GLI3: variants seen among roughly 807,000 people sequenced by gnomAD.
GLI3 encodes transcription activator GLI3.
GLI3 carries 20 observed loss-of-function variants against 100.8 expected under a neutral mutation model. That is an observed-to-expected ratio of 0.20 (90% CI 0.14 to 0.29). The LOEUF is 0.29. Ranked by LOEUF, GLI3 falls within the 10% of genes least tolerant of loss-of-function variation. GLI3 has a pLI of 1.00. For synonymous variants in GLI3, 938 were observed against 860.5 expected, an observed-to-expected ratio of 1.09 and a Z score of -1.58; for missense variants, 2,040 against 2,128.5, an observed-to-expected ratio of 0.96 and a Z score of 0.82.
At chr7:42,210,536 A>C (rs1788251478) in intron 2 of GLI3, among the ~76,000 whole-genome samples, 1 of 152,136 alleles carries the variant, frequency 6.6e-6, no homozygotes, top group Non-Finnish European at 1.5e-5. Context: ...ATAGTGACTC[A>C]GCAGTATTTT....
At chr7:42,105,755 T>G (rs988705321) in intron 3 of GLI3, among the ~76,000 whole-genome samples, 1 of 152,098 alleles carries the variant, frequency 6.6e-6, no homozygotes, top group Non-Finnish European at 1.5e-5. Flanking sequence ...AGTGCTAGCC[T>G]CGGGGGAACC....
intron 3 of GLI3, among the ~76,000 whole-genome samples, chr7:42,112,830 C>T (rs1042127838): frequency 6.6e-6 from 1 of 152,084 alleles, no homozygotes; most frequent in Non-Finnish European, 1.5e-5. Flanking sequence ...CACATGAGAT[C>T]ATGCATCCCA....
At chr7:42,039,493 G>T (rs963265926) in intron 7 of GLI3, among the ~76,000 whole-genome samples, 10 of 152,054 alleles carry the variant, frequency 6.6e-5, no homozygotes, top group African/African-American at 1.7e-4. Flanking sequence ...GAAAAACAAA[G>T]AAATATTCTT....
At chr7:42,053,248 C>T (rs796728009) in intron 4 of GLI3, among the ~76,000 whole-genome samples, 4 of 152,312 alleles carry the variant, frequency 2.6e-5, no homozygotes, top group South Asian at 2.1e-4. Flanking sequence ...CCGCCCGCCT[C>T]GGCCTCCCAA....
chr7:42,061,408 C>T (rs1450465395), intron 4 of GLI3, among the ~76,000 whole-genome samples: 4 of 151,950 alleles, frequency 2.6e-5, no homozygotes. Flanking sequence ...TTGAGTTATC[C>T]CTTGAACCTT....
chr7:41,964,456 G>T lies in GLI3; in HGVS notation c.4617C>A (p.Thr1539=). ...GGAATGGGAGGGACGCCCGAGGCGT[G>T]GTGAGGCGGGAGGAGCTATGGGAAA... ...QNLSHSSSRL[T]TPRASLPFPA... is the part of the protein sequence containing the mutation. Residue 1539 remains threonine (T), a synonymous_variant, in exon 15 of 15, where the codon ACC becomes ACA. Transcript: ENST00000395925. 2 of 1,614,192 alleles carry T rather than the reference G, an allele frequency of 1.2e-6. No individual in the cohort carries two copies. Among genetic ancestry groups the T allele is most frequent in the Non-Finnish European group, 1.7e-6 (2 of 1,179,994 alleles).
intron 13 of GLI3, among the ~76,000 whole-genome samples, chr7:41,969,291 G>A (rs567605626): frequency 1.1e-4 from 16 of 152,238 alleles, no homozygotes; most frequent in African/African-American, 2.4e-4. Context: ...CTATAAACAC[G>A]GACAGCAGCC....
At position 42,058,742 on chromosome 7, in the gene GLI3, T is replaced by A. The variant is rs117627536; in HGVS notation, c.474-10046A>T. On this transcript the variant is annotated intron_variant, in intron 4 of 14. Transcript: ENST00000395925. ...ATGTTAGTCATGTTCTTCCAACAAC[T>A]GAAACAATGTTATACAAGTATCACT... is the stretch of plus-strand genomic sequence containing the variant. Among the ~76,000 whole-genome samples the A allele has an allele frequency of 2.2e-4, 33 of 152,318 alleles. No individual in the cohort carries two copies. The East Asian group carries it at 4.8e-3, about 22-fold the overall frequency.
chr7:41,968,768 G>T (rs1787289216), intron 13 of GLI3, among the ~76,000 whole-genome samples: 1 of 112,558 alleles, frequency 8.9e-6, no homozygotes, highest in Non-Finnish European at 1.9e-5. Flanking sequence ...AAGAAGGAAA[G>T]AAAGAAAGAA....
chr7:42,207,987 G>C (rs1002514233), intron 2 of GLI3, among the ~76,000 whole-genome samples: 1 of 152,008 alleles, frequency 6.6e-6, no homozygotes, highest in Non-Finnish European at 1.5e-5. Context: ...GCAAAACCCC[G>C]TCTCTACTAA....
At chr7:41,967,490 AT>A (rs1436802827) in intron 14 of GLI3, 105 bp downstream of exon 14, 11 of 813,440 alleles carry the variant, frequency 1.4e-5, no homozygotes, top group Non-Finnish European at 2.1e-5. Context: ...TTACAGCGTC[AT>A]TTTAGGACTG....
At chr7:42,118,691 C>T (rs1379231186) in intron 3 of GLI3, among the ~76,000 whole-genome samples, 1 of 152,180 alleles carries the variant, frequency 6.6e-6, no homozygotes, top group Non-Finnish European at 1.5e-5. Flanking sequence ...CTTGACACTA[C>T]ACCACTTCCG....
intron 3 of GLI3, among the ~76,000 whole-genome samples, chr7:42,080,015 C>T (rs138418163): frequency 6.6e-6 from 1 of 152,164 alleles, no homozygotes; most frequent in Non-Finnish European, 1.5e-5. Flanking sequence ...AAGCGTGTAC[C>T]CAACAAGTAT....
Position 42,052,944 on chromosome 7 carries a change from C to T in GLI3, c.474-4248G>A, listed in dbSNP as rs149960420. ...TAAAGGTGTTTTTAACCTTACCTAACGGAGCCATCTTCAAATTCTTGGCAG... is the reference window on the plus strand; with the variant it reads ...TAAAGGTGTTTTTAACCTTACCTAATGGAGCCATCTTCAAATTCTTGGCAG... On this transcript the variant is annotated intron_variant, in intron 4 of 14. Coordinates refer to ENST00000395925, the MANE Select transcript of GLI3 (RefSeq NM_000168.6). Among the ~76,000 whole-genome samples, 222 of 152,318 alleles carry T rather than the reference C, an allele frequency of 1.5e-3. 1 individual carries two copies. The highest frequency in any genetic ancestry group is 5.3e-3 in the African/African-American group (219 of 41,580).
At chr7:42,132,142 C>T (rs1326406718) in intron 3 of GLI3, among the ~76,000 whole-genome samples, 3 of 151,802 alleles carry the variant, frequency 2.0e-5, no homozygotes, top group Admixed American at 6.6e-5. Flanking sequence ...GCTCTGTCGC[C>T]CAGGCTGGAG....
intron 4 of GLI3, among the ~76,000 whole-genome samples, chr7:42,065,105 A>T (rs1209393010): frequency 6.6e-6 from 1 of 151,544 alleles, no homozygotes; most frequent in African/African-American, 2.4e-5. Context: ...CATTTTCATC[A>T]CAGACTGTGT....
intron 10 of GLI3, among the ~76,000 whole-genome samples, chr7:42,020,699 G>C (rs1316420387): frequency 6.6e-6 from 1 of 151,934 alleles, no homozygotes; most frequent in African/African-American, 2.4e-5. Context: ...TTTTTTCCTG[G>C]CTAACACGGT....
chr7:41,966,589 C>A lies in GLI3; in HGVS notation c.2484G>T (p.Pro828=), dbSNP rs747011608. The change falls in exon 15 of 15, where the codon CCG becomes CCT. Residue 828 remains proline, a synonymous_variant. Transcript: ENST00000395925. The surrounding 1 kb of genome is among the most constrained non-coding windows in gnomAD (Gnocchi z 5.8). The part of the protein sequence containing the change: ...CSLGGPMTLL[P]GRSDLSGVDV... ...CCACCCCAGAGAGGTCGCTTCTGCC[C>A]GGGAGAAGCGTCATGGGCCCACCCA... 6.2e-7 allele frequency: 1 copy of A among 1,613,956 alleles called. No homozygotes were observed.
intron 1 of GLI3, among the ~76,000 whole-genome samples, chr7:42,224,402 A>G (rs970498053): frequency 6.6e-6 from 1 of 152,242 alleles, no homozygotes; most frequent in Non-Finnish European, 1.5e-5. Context: ...ACTTTAACAC[A>G]TATTTGCAAG....
Sources: gnomAD v4.1 joint callset for allele counts (sites outside exome capture counted in the v4.1 genomes callset) on GRCh38, gnomAD v4.1.1 for gene constraint, Gnocchi (gnomAD v3.1) non-coding constraint, MANE v1.5 for transcripts, NCBI Gene and HGNC (gene_info 2026-07-23, HGNC 2026-07-21) for gene names.